The following CFH variants were observed in gnomAD, a reference collection of about 807,000 sequenced individuals.
CFH encodes the protein H factor 1 (complement).
In CFH, 53 loss-of-function variants were observed where a neutral mutation model predicts 147.3. That is an observed-to-expected ratio of 0.36 (90% confidence interval 0.29 to 0.45). The LOEUF is 0.45. Ranked by LOEUF, CFH falls within the 20% of genes least tolerant of loss-of-function variation. The pLI is 1.00. For synonymous variants in CFH, 536 were observed against 489.4 expected (o/e 1.10, Z -1.26); for missense variants, 1,380 against 1,498.0 (o/e 0.92, Z 1.30).
Position 196,726,489 on chromosome 1 carries a change from T to C in CFH, c.1893T>C (p.Gly631=). The change falls in exon 13 of 22, where the codon GGT becomes GGC. Residue 631 remains glycine, a synonymous_variant. Transcript: ENST00000367429. ...CTATAGAGCAAGTACAATCATGTGG[T>C]CCACCTCCTGAACTCCTCAATGGGA... The part of the protein sequence containing the change: ...PICKEQVQSC[G]PPPELLNGNV... 1 of 1,611,626 alleles carries C rather than the reference T, an allele frequency of 6.2e-7. No individual in the cohort carries two copies. The highest frequency in any genetic ancestry group is 8.5e-7 in the Non-Finnish European group (1 of 1,178,078).
intron 15 of CFH, among the ~76,000 whole-genome samples, chr1:196,730,927 G>A (rs1041839946): frequency 6.6e-6 from 1 of 151,468 alleles, no homozygotes; most frequent in African/African-American, 2.4e-5. Flanking sequence ...ATTTTTATAG[G>A]TTTTTTTCCA....
chr1:196,726,342 T>C, intron 12 of CFH, 128 bp from the exon 13 acceptor site: 3 of 723,748 alleles, frequency 4.1e-6, no homozygotes, highest in East Asian at 2.7e-5. Context: ...CTTGATTGTT[T>C]AGGATGCTAT....
intron 1 of CFH, among the ~76,000 whole-genome samples, chr1:196,670,468 C>T (rs1448833882): frequency 6.6e-6 from 1 of 152,140 alleles, no homozygotes; most frequent in East Asian, 1.9e-4. Context: ...GGGGCAGTTT[C>T]TCCTATGCTA....
At chr1:196,658,888 G>A (rs1666809930) in intron 1 of CFH, among the ~76,000 whole-genome samples, 1 of 152,094 alleles carries the variant, frequency 6.6e-6, no homozygotes, top group African/African-American at 2.4e-5. Flanking sequence ...ATTTTAAATT[G>A]TAAAATAAAG....
chr1:196,740,724 T>C lies in CFH; in HGVS notation c.2888T>C (p.Phe963Ser). 6.2e-7 allele frequency: 1 copy of C among 1,614,040 alleles called. No homozygotes were observed. The highest frequency in any genetic ancestry group is 8.5e-7 in the Non-Finnish European group (1 of 1,179,960). Residue 963 changes from phenylalanine to serine, a missense_variant, in exon 18 of 22, where the codon TTT becomes TCT. Around this residue, in one of 4 missense-constraint regions of CFH, gnomAD observed 830 missense variants for 821.4 expected, o/e 1.01. Coordinates refer to ENST00000367429, the MANE Select transcript of CFH (RefSeq NM_000186.4). Reference protein sequence around the residue: ...EEVTYKCFEGFGIDGPAIAKC... With the variant: ...EEVTYKCFEGSGIDGPAIAKC... ...GTTACGTACAAATGTTTTGAAGGTT[T>C]TGGAATTGATGGGCCTGCAATTGCA...
rs145874136 is a variant in CFH, at chr1:196,673,377, G to A, written c.244+214G>A. On this transcript the variant is annotated intron_variant, in intron 2 of 21. Coordinates refer to ENST00000367429, the MANE Select transcript of CFH (RefSeq NM_000186.4). ...TTTTGAGATGGAGTCTCCCTCTATC[G>A]CCTGGCTGGAGTGCAGTGGCGCTAT... 1,568 of 547,656 alleles carry A rather than the reference G, an allele frequency of 2.9e-3. 6 individuals carry two copies. The highest frequency in any genetic ancestry group is 8.3e-3 in the East Asian group (246 of 29,758). The allele number at this position is 547,656 out of a possible 1,614,324, so 33.9% of individuals were successfully genotyped here.
At chr1:196,668,236 A>G (rs976410371) in intron 1 of CFH, among the ~76,000 whole-genome samples, 2 of 152,010 alleles carry the variant, frequency 1.3e-5, no homozygotes, top group Non-Finnish European at 2.9e-5. Context: ...GTATTTTTCT[A>G]TAGTTGAGTC....
chr1:196,675,640 AC>A (rs1667427786), intron 3 of CFH, among the ~76,000 whole-genome samples: 2 of 152,146 alleles, frequency 1.3e-5, no homozygotes, highest in African/African-American at 2.4e-5. Context: ...AAATAAGAAT[AC>A]TTTGTATGAA....
intron 11 of CFH, among the ~76,000 whole-genome samples, chr1:196,719,300 T>C (rs1668943697): frequency 6.6e-6 from 1 of 151,926 alleles, no homozygotes; most frequent in Non-Finnish European, 1.5e-5. Flanking sequence ...TTTCACAATA[T>C]TACAACAGAC....
At chr1:196,697,856 G>C (rs1394931545) in intron 9 of CFH, among the ~76,000 whole-genome samples, 1 of 152,014 alleles carries the variant, frequency 6.6e-6, no homozygotes, top group Non-Finnish European at 1.5e-5. Flanking sequence ...CCTTTGTAGG[G>C]ACATGGATGA....
intron 3 of CFH, 39 bp from the exon 4 acceptor site, chr1:196,675,950 A>T (rs1299779670): frequency 7.4e-7 from 1 of 1,355,902 alleles, no homozygotes; most frequent in Non-Finnish European, 1.1e-6. Context: ...GCATGTAAAC[A>T]CACATTATGT....
chr1:196,717,709 A>G (rs1668903569), intron 11 of CFH, among the ~76,000 whole-genome samples: 1 of 152,124 alleles, frequency 6.6e-6, no homozygotes, highest in Non-Finnish European at 1.5e-5. Flanking sequence ...AAGATGGAAG[A>G]CACCAGAGCA....
intron 16 of CFH, 57 bp from the exon 17 acceptor site, chr1:196,737,418 A>G: frequency 8.2e-7 from 1 of 1,212,388 alleles, no homozygotes; most frequent in Non-Finnish European, 1.2e-6. Flanking sequence ...TTAGTTTTAT[A>G]TTTCAATTTA....
At chr1:196,727,528 T>C (rs1669173919) in intron 14 of CFH, among the ~76,000 whole-genome samples, 1 of 152,032 alleles carries the variant, frequency 6.6e-6, no homozygotes, top group South Asian at 2.1e-4. Context: ...AATTATCATA[T>C]GATTAAATAT....
At chr1:196,652,198 T>C (rs1161286296) in intron 1 of CFH, 23 bp downstream of exon 1, 2 of 1,555,736 alleles carry the variant, frequency 1.3e-6, no homozygotes, top group Middle Eastern at 1.7e-4. Context: ...GAGACTCTTT[T>C]CTGAAAACTG....
chr1:196,713,633 G>A (rs748766950), intron 9 of CFH, 102 bp from the exon 10 acceptor site: 1 of 804,742 alleles, frequency 1.2e-6, no homozygotes, highest in Non-Finnish European at 2.0e-6. Context: ...CAGGTTTTCA[G>A]TTACAAATGA....
chr1:196,702,718 G>A (rs767092759), intron 9 of CFH, among the ~76,000 whole-genome samples: 86 of 152,232 alleles, frequency 5.6e-4, no homozygotes, highest in Non-Finnish European at 9.4e-4. Context: ...AATCCAGTAA[G>A]GGCAGCTGCT....
At chr1:196,656,614 C>T (rs1018468445) in intron 1 of CFH, among the ~76,000 whole-genome samples, 12 of 151,306 alleles carry the variant, frequency 7.9e-5, no homozygotes, top group African/African-American at 2.4e-4. Context: ...TCTGTTCTTT[C>T]GCTCATTCAT....
intron 18 of CFH, 67 bp downstream of exon 18, chr1:196,740,859 A>C: frequency 6.8e-7 from 1 of 1,477,366 alleles, no homozygotes; most frequent in Non-Finnish European, 9.5e-7. Flanking sequence ...AGTGGTACCA[A>C]TAAGAAAGTA....
Sources: gnomAD v4.1 joint callset for allele counts (sites outside exome capture counted in the v4.1 genomes callset) on GRCh38, gnomAD v4.1.1 for gene constraint, gnomAD v4.1.1 regional missense constraint, MANE v1.5 for transcripts, NCBI Gene and HGNC (gene_info 2026-07-23, HGNC 2026-07-21) for gene names.